Variants in VPS13D observed in about 807,000 individuals in gnomAD.
VPS13D encodes intermembrane lipid transfer protein VPS13D.
Under a neutral mutation model 461.9 loss-of-function variants are expected in VPS13D, and 187 were observed. That is an observed-to-expected ratio of 0.40 (90% CI 0.36 to 0.46). The LOEUF (loss-of-function observed/expected upper bound fraction) is 0.46, where lower values mean the gene tolerates loss of function less well. Among genes scored for constraint, VPS13D ranks in the 20% least tolerant of loss-of-function variants. The pLI is 0.60. For synonymous variants in VPS13D, 1,951 were observed against 1,986.3 expected, an observed-to-expected ratio of 0.98 and a Z score of 0.47; for missense variants, 4,711 against 5,364.9, an observed-to-expected ratio of 0.88 and a Z score of 3.81.
Position 12,363,178 on chromosome 1 carries a change from A to G in VPS13D, c.10379A>G (p.Asp3460Gly), listed in dbSNP as rs528741266. The G allele has an allele frequency of 6.8e-6, 11 of 1,614,198 alleles. No homozygotes were observed. The Admixed American group carries it at 1.5e-4, about 22-fold the overall frequency. ...YDQLLCVRLM[D>G]VPNCIWSGGF... is the part of the protein sequence containing the mutation. ...CAGCTATTGTGTGTCAGACTGATGG[A>G]CGTTCCCAATTGTATTTGGTCTGGA... is the stretch of plus-strand genomic sequence containing the variant. The change falls in exon 52 of 70, where the codon GAC becomes GGC. Residue 3460 changes from aspartate (D) to glycine (G), a missense_variant. Physicochemically the swap from Asp to Gly is moderately conservative, Grantham distance 94. Transcript: ENST00000620676.
At chr1:12,260,584 C>A in intron 10 of VPS13D, 109 bp from the exon 11 acceptor site, 1 of 834,514 alleles carries the variant, frequency 1.2e-6, no homozygotes, top group Admixed American at 2.1e-5. Context: ...ATGCAGGGGA[C>A]CAGAGAGGTT....
At chr1:12,476,422 C>T (rs1282578971) in intron 67 of VPS13D, among the ~76,000 whole-genome samples, 1 of 152,238 alleles carries the variant, frequency 6.6e-6, no homozygotes, top group Non-Finnish European at 1.5e-5. Context: ...CAAAGTAGGC[C>T]TTCAGGAGTC....
intron 60 of VPS13D, among the ~76,000 whole-genome samples, chr1:12,389,573 A>G (rs563973672): frequency 6.6e-6 from 1 of 152,298 alleles, no homozygotes; most frequent in South Asian, 2.1e-4. Context: ...GTACAAGTGT[A>G]TACATGCACA....
At chr1:12,488,868 C>A (rs991955768) in intron 67 of VPS13D, among the ~76,000 whole-genome samples, 2 of 152,016 alleles carry the variant, frequency 1.3e-5, no homozygotes, top group Non-Finnish European at 2.9e-5. Context: ...TTGAGAGATT[C>A]CAATAAGCAC....
intron 61 of VPS13D, 63 bp downstream of exon 61, chr1:12,400,393 A>G: frequency 6.3e-7 from 1 of 1,586,084 alleles, no homozygotes; most frequent in East Asian, 2.3e-5. Flanking sequence ...GTTCTCTCAC[A>G]GCCAAGTCTC....
chr1:12,357,627 G>A (rs1383693175), intron 49 of VPS13D, among the ~76,000 whole-genome samples: 3 of 152,196 alleles, frequency 2.0e-5, no homozygotes, highest in African/African-American at 7.2e-5. Flanking sequence ...TCGCTTGTTA[G>A]TGGTAGAGCT....
intron 40 of VPS13D, among the ~76,000 whole-genome samples, chr1:12,339,909 G>A (rs1429839647): frequency 6.6e-6 from 1 of 152,160 alleles, no homozygotes; most frequent in African/African-American, 2.4e-5. Flanking sequence ...AAAGCCATCT[G>A]CCACCTGTTC....
At chr1:12,272,610 C>T (rs1450355689) in intron 17 of VPS13D, among the ~76,000 whole-genome samples, 1 of 152,106 alleles carries the variant, frequency 6.6e-6, no homozygotes, top group East Asian at 1.9e-4. Context: ...TTATGTTTCT[C>T]ACTAAGATAT....
intron 1 of VPS13D, among the ~76,000 whole-genome samples, chr1:12,232,052 T>C (rs1035309459): frequency 6.6e-6 from 1 of 152,220 alleles, no homozygotes; most frequent in African/African-American, 2.4e-5. Flanking sequence ...TGAGCATTTT[T>C]TTTAAAAAAT....
chr1:12,353,262 G>A (rs923334082), intron 46 of VPS13D, among the ~76,000 whole-genome samples: 13 of 151,848 alleles, frequency 8.6e-5, no homozygotes, highest in African/African-American at 2.9e-4. Flanking sequence ...GGCCGGGTGC[G>A]GTGGCTCACG....
intron 2 of VPS13D, 151 bp from the exon 3 acceptor site, chr1:12,242,362 C>T (rs1268798728): frequency 1.9e-5 from 12 of 642,528 alleles, no homozygotes; most frequent in Non-Finnish European, 3.0e-5. Context: ...TGATGTAGCC[C>T]GTTCTAGATG....
intron 68 of VPS13D, among the ~76,000 whole-genome samples, chr1:12,504,514 A>T (rs561985047): frequency 6.6e-6 from 1 of 152,348 alleles, no homozygotes; most frequent in Non-Finnish European, 1.5e-5. Flanking sequence ...CTGTATGGCC[A>T]TGAATTCCTT....
At position 12,508,976 on chromosome 1, in the gene VPS13D, T is replaced by G; in HGVS notation, c.13119T>G (p.Leu4373=). ...AGAGCCTCTACTATGAACAGCAGCT[T>G]ATGTTAAGACTCAGCGAAAACCGAG... is the stretch of plus-strand genomic sequence containing the variant. ...YAKSLYYEQQ[L]MLRLSENREQ... Residue 4373 remains leucine (L), a synonymous_variant, in exon 70 of 70, where the codon CTT becomes CTG. Coordinates refer to ENST00000620676, the MANE Select transcript of VPS13D (RefSeq NM_015378.4). 6.2e-7 allele frequency: 1 copy of G among 1,614,154 alleles called. No individual in the cohort carries two copies. The highest frequency in any genetic ancestry group is 2.2e-5 in the East Asian group (1 of 44,882).
chr1:12,278,645 G>A (rs962322951), intron 19 of VPS13D, among the ~76,000 whole-genome samples: 1 of 152,184 alleles, frequency 6.6e-6, no homozygotes, highest in Non-Finnish European at 1.5e-5. Flanking sequence ...TGCTTCAGTG[G>A]ATGGATGTTG....
chr1:12,331,850 C>T (rs1025432379), intron 37 of VPS13D, among the ~76,000 whole-genome samples: 1 of 151,450 alleles, frequency 6.6e-6, no homozygotes, highest in Non-Finnish European at 1.5e-5. Context: ...GTTGTATGAA[C>T]ACATTCAGGT....
chr1:12,455,154 T>C (rs1570207063), intron 65 of VPS13D, among the ~76,000 whole-genome samples: 1 of 152,222 alleles, frequency 6.6e-6, no homozygotes, highest in African/African-American at 2.4e-5. Context: ...CTATGAACGG[T>C]GACCTAACCT....
chr1:12,297,430 T>C (rs1006791431), intron 24 of VPS13D, among the ~76,000 whole-genome samples: 2 of 152,190 alleles, frequency 1.3e-5, no homozygotes, highest in African/African-American at 4.8e-5. Context: ...TAGCAACTGG[T>C]ATAGTAAAGT....
chr1:12,230,331 A>C (rs1639920736), intron 1 of VPS13D, among the ~76,000 whole-genome samples: 1 of 151,982 alleles, frequency 6.6e-6, no homozygotes, highest in African/African-American at 2.4e-5. Flanking sequence ...CCCGGGCCCC[A>C]AGCCCGCCAC....
chr1:12,259,889 G>A (rs981174504), intron 10 of VPS13D, among the ~76,000 whole-genome samples: 4 of 152,138 alleles, frequency 2.6e-5, no homozygotes, highest in African/African-American at 9.7e-5. Context: ...TTGGTCCTGG[G>A]TTTCAGGAAG....
Sources: gnomAD v4.1 joint callset for allele counts (sites outside exome capture counted in the v4.1 genomes callset) on GRCh38, gnomAD v4.1.1 for gene constraint, MANE v1.5 for transcripts, NCBI Gene and HGNC (gene_info 2026-07-23, HGNC 2026-07-21) for gene names.